The following CHIC1 variants were observed in gnomAD, a reference collection of about 807,000 sequenced individuals.
The protein encoded by CHIC1 is cysteine-rich hydrophobic domain-containing protein 1.
Under a neutral mutation model 18.5 loss-of-function variants are expected in CHIC1, and 7 were observed. That is an observed-to-expected ratio of 0.38 (90% CI 0.22 to 0.71). The LOEUF (loss-of-function observed/expected upper bound fraction) is 0.71, where lower values mean the gene tolerates loss of function less well. Among genes scored for constraint, CHIC1 ranks in the 30% least tolerant of loss-of-function variants. The pLI is 0.49. For missense variants in CHIC1, 159 were observed against 176.9 expected, an observed-to-expected ratio of 0.90 and a Z score of 0.57; for synonymous variants, 77 against 73.5, an observed-to-expected ratio of 1.05 and a Z score of -0.25.
intron 3 of CHIC1, among the ~76,000 whole-genome samples, chrX:73,634,409 A>G (rs1226682427): frequency 7.1e-5 from 8 of 112,849 alleles, no homozygotes; most frequent in Non-Finnish European, 1.9e-5. Context: ...TTCTCAGACC[A>G]AAAGAGTCAA....
chrX:73,637,001 A>G (rs1199056949), intron 3 of CHIC1, among the ~76,000 whole-genome samples: 1 of 111,732 alleles, frequency 8.9e-6, no homozygotes, highest in Non-Finnish European at 1.9e-5. Context: ...AGATGTTTAT[A>G]TTGACCTCTG....
intron 3 of CHIC1, among the ~76,000 whole-genome samples, chrX:73,663,124 G>T (rs2057988434): frequency 9.0e-6 from 1 of 111,692 alleles, no homozygotes; most frequent in African/African-American, 3.3e-5. Context: ...ATGGGGGAAG[G>T]GAGGCCCTGT....
At position 73,563,452 on chromosome X, in the gene CHIC1, G is replaced by T; in HGVS notation, c.168G>T (p.Glu56Asp). The T allele has an allele frequency of 8.6e-7, 1 of 1,162,705 alleles. No individual in the cohort carries two copies. Among genetic ancestry groups the T allele is most frequent in the East Asian group, 3.2e-5 (1 of 31,434 alleles). ...AGGAGGAAGAGGAGGAAGAGGAGGA[G>T]GAGGAAGAAGAGGAGGAGGAGGAAG... ...EDEEEEEEEE[E>D]EEEEEEEEEE... The change falls in exon 1 of 6, where the codon GAG (glutamate) becomes GAT (aspartate). Residue 56 changes from glutamate (E) to aspartate (D), a missense_variant. Transcript: ENST00000373502.
intron 3 of CHIC1, among the ~76,000 whole-genome samples, chrX:73,598,925 T>C (rs1216114366): frequency 9.3e-6 from 1 of 107,944 alleles, no homozygotes; most frequent in Non-Finnish European, 1.9e-5. Flanking sequence ...CCACAATGGT[T>C]GAACTAGTTT....
At chrX:73,644,159 GCAGCGGTGGCTGCAGAA>G (rs2057874418) in intron 3 of CHIC1, among the ~76,000 whole-genome samples, 1 of 112,384 alleles carries the variant, frequency 8.9e-6, no homozygotes, top group Non-Finnish European at 1.9e-5. Context: ...CTGGGTATCA[GCAGCGGTGGCTGCAGAA>G]CAGCGGTGGC....
chrX:73,654,134 T>C (rs1183368903), intron 3 of CHIC1, among the ~76,000 whole-genome samples: 2 of 112,617 alleles, frequency 1.8e-5, no homozygotes, highest in Non-Finnish European at 3.8e-5. Flanking sequence ...GGAAACACTT[T>C]CAATTTTTCC....
chrX:73,641,965 G>A (rs1281422845), intron 3 of CHIC1, among the ~76,000 whole-genome samples: 4 of 111,524 alleles, frequency 3.6e-5, no homozygotes, highest in African/African-American at 1.3e-4. Flanking sequence ...TGTGAATAGT[G>A]CCACAATAAA....
chrX:73,596,445 A>T (rs910855841), intron 3 of CHIC1, among the ~76,000 whole-genome samples: 1 of 111,816 alleles, frequency 8.9e-6, no homozygotes, highest in Non-Finnish European at 1.9e-5. Context: ...GAAAATAGCC[A>T]TACTGCCCAA....
intron 3 of CHIC1, among the ~76,000 whole-genome samples, chrX:73,619,522 C>G (rs1456097803): frequency 9.0e-6 from 1 of 110,897 alleles, no homozygotes; most frequent in Non-Finnish European, 1.9e-5. Flanking sequence ...TACTGCTGTT[C>G]TTTAATGTCT....
Position 73,563,551 on chromosome X carries a change from A to G in CHIC1, c.267A>G (p.Val89=), listed in dbSNP as rs776874976. 2 of 1,117,953 alleles carry G rather than the reference A, an allele frequency of 1.8e-6. No individual in the cohort carries two copies. The highest frequency in any genetic ancestry group is 3.2e-5 in the East Asian group (1 of 31,514). 92.1% of individuals were successfully genotyped at this position (1,117,953 alleles called of 1,213,427 possible). ...TGCGGAGATATGCTCCCGACCCTGTATTAGTGCGGGGTGCCGGCCACATCA... is the reference window on the plus strand; with the variant it reads ...TGCGGAGATATGCTCCCGACCCTGTGTTAGTGCGGGGTGCCGGCCACATCA... ...EHLRRYAPDP[V]LVRGAGHITV... is the part of the protein sequence containing the mutation. The change falls in exon 1 of 6, where the codon GTA becomes GTG. Residue 89 remains valine, a synonymous_variant. Coordinates refer to ENST00000373502, the MANE Select transcript of CHIC1 (RefSeq NM_001039840.4).
chrX:73,650,465 C>G lies in CHIC1; in HGVS notation c.508-28861C>G, dbSNP rs866392598. On this transcript the variant is annotated intron_variant, in intron 3 of 5. Coordinates refer to ENST00000373502, the MANE Select transcript of CHIC1 (RefSeq NM_001039840.4). ...AATAAGGAAGAAAAGAGAGAAGAAT[C>G]AGAAAGGCACAATGAAAAATGATAA... 1.3e-3 allele frequency among the ~76,000 whole-genome samples: 145 copies of G among 110,242 alleles called. 2 individuals carry two copies. The highest frequency in any genetic ancestry group is 4.7e-3 in the Middle Eastern group (1 of 215).
At chrX:73,568,639 A>G (rs767472248) in intron 1 of CHIC1, among the ~76,000 whole-genome samples, 1 of 111,406 alleles carries the variant, frequency 9.0e-6, no homozygotes, top group African/African-American at 3.2e-5. Flanking sequence ...TTCCTTATAG[A>G]CATTACCACC....
intron 3 of CHIC1, among the ~76,000 whole-genome samples, chrX:73,664,710 A>T (rs2057996031): frequency 9.0e-6 from 1 of 111,728 alleles, no homozygotes; most frequent in East Asian, 2.8e-4. Flanking sequence ...TCACACAAAG[A>T]CACTTGTGTA....
At chrX:73,679,827 C>T (rs934811844) in intron 5 of CHIC1, 114 bp downstream of exon 5, 15 of 376,200 alleles carry the variant, frequency 4.0e-5, no homozygotes, top group African/African-American at 3.5e-4. Context: ...GAACTTTTGT[C>T]CATTGAAATA....
rs535119678 is a variant in CHIC1 at position 73,586,009 on chromosome X, G to T, written c.507+1437G>T. 2.7e-5 allele frequency among the ~76,000 whole-genome samples: 3 copies of T among 111,201 alleles called. No individual in the cohort carries two copies. The South Asian group carries it at 1.1e-3, about 42-fold the overall frequency. On this transcript the variant is annotated intron_variant, in intron 3 of 5. Coordinates refer to ENST00000373502, the MANE Select transcript of CHIC1 (RefSeq NM_001039840.4). ...CAATTTAAAAAATTTATTTAATATAGATTTGCAAATTGTCATCCATGAGCC... is the reference window on the plus strand; with the variant it reads ...CAATTTAAAAAATTTATTTAATATATATTTGCAAATTGTCATCCATGAGCC...
intron 3 of CHIC1, among the ~76,000 whole-genome samples, chrX:73,593,584 A>G (rs1050837456): frequency 9.0e-6 from 1 of 111,512 alleles, no homozygotes; most frequent in African/African-American, 3.3e-5. Flanking sequence ...ATAATTCCCT[A>G]TTTCTCAGAG....
At position 73,661,394 on chromosome X, in the gene CHIC1, G is replaced by C. The variant is rs1156257738; in HGVS notation, c.508-17932G>C. On this transcript the variant is annotated intron_variant, in intron 3 of 5. Transcript: ENST00000373502. ...ACCTCTTGAAGGAGGGGACATGCCT[G>C]TGAGCTGGCAATCTGGGCATTGCAG... Among the ~76,000 whole-genome samples the C allele has an allele frequency of 4.5e-5, 5 of 112,258 alleles. No individual in the cohort carries two copies. The Admixed American group carries it at 4.7e-4, about 11-fold the overall frequency.
At chrX:73,635,307 T>C (rs2057826942) in intron 3 of CHIC1, among the ~76,000 whole-genome samples, 1 of 112,140 alleles carries the variant, frequency 8.9e-6, no homozygotes, top group Admixed American at 9.4e-5. Flanking sequence ...AATTTTTGCA[T>C]CAGTATCAAT....
At chrX:73,622,762 A>G (rs888909274) in intron 3 of CHIC1, among the ~76,000 whole-genome samples, 2 of 110,922 alleles carry the variant, frequency 1.8e-5, no homozygotes, top group Non-Finnish European at 3.8e-5. Context: ...TTTTCTAGTC[A>G]TTTTGATTAT....
Sources: allele counts gnomAD v4.1 joint callset (sites outside exome capture counted in the v4.1 genomes callset), GRCh38; gene constraint gnomAD v4.1.1; transcripts MANE v1.5; gene names NCBI Gene and HGNC (gene_info 2026-07-23, HGNC 2026-07-21).